ESRRG: variants seen among roughly 807,000 people sequenced by gnomAD.
ESRRG encodes the protein estrogen-related receptor gamma.
In ESRRG, 13 loss-of-function variants were observed where a neutral mutation model predicts 44.0. That is an observed-to-expected ratio of 0.30 (90% CI 0.19 to 0.47). The LOEUF is 0.47. ESRRG is among the 20% of genes least tolerant of loss of function. The pLI, the probability that ESRRG is intolerant of heterozygous loss-of-function variation, is 1.00. For synonymous variants in ESRRG, 215 were observed against 214.6 expected (o/e 1.00, Z -0.02); for missense variants, 395 against 580.6 (o/e 0.68, Z 3.29).
chr1:216,865,222 C>T (rs1280345684), intron 2 of ESRRG: 1 of 92,450 alleles, frequency 1.1e-5, no homozygotes, highest in African/African-American at 5.4e-5. Flanking sequence ...AAAAAAATTA[C>T]CACAAAGGAA....
At chr1:216,736,576 C>T (rs1171128196) in intron 2 of ESRRG, among the ~76,000 whole-genome samples, 2 of 152,108 alleles carry the variant, frequency 1.3e-5, no homozygotes, top group Non-Finnish European at 2.9e-5. Flanking sequence ...CTGAAGCTCC[C>T]CTCTTTCTCA....
chr1:216,733,989 A>T (rs865816122), intron 2 of ESRRG, among the ~76,000 whole-genome samples: 8,553 of 144,784 alleles, frequency 0.059, 306 homozygotes, highest in African/African-American at 0.087. Flanking sequence ...AGACTCTGTA[A>T]AAAAAAAAAA....
chr1:216,528,266 G>A (rs1381719356), intron 5 of ESRRG, among the ~76,000 whole-genome samples: 1 of 152,072 alleles, frequency 6.6e-6, no homozygotes, highest in Non-Finnish European at 1.5e-5. Flanking sequence ...AAAGTATATA[G>A]GATTTTTATT....
rs1361077954 is a variant in ESRRG, at chr1:216,899,621, G to A, written c.-14+39961C>T. 2.6e-5 allele frequency among the ~76,000 whole-genome samples: 4 copies of A among 152,196 alleles called. No homozygotes were observed. In the East Asian group the frequency reaches 7.7e-4, roughly 29 times the overall value. On this transcript the variant is annotated intron_variant, in intron 2 of 7. Transcript: ENST00000359162. ...CACTTAAAGGTAATCACCAGCCATG[G>A]TGGCAGTTATAGGGGCTCTGCATAA...
chr1:217,064,232 CAT>C (rs541467748), intron 1 of ESRRG, among the ~76,000 whole-genome samples: 214 of 151,680 alleles, frequency 1.4e-3, no homozygotes, highest in South Asian at 2.1e-4. Flanking sequence ...ACATTACACA[CAT>C]ATGTGTTATG....
intron 3 of ESRRG, among the ~76,000 whole-genome samples, chr1:216,614,473 T>C (rs1210358466): frequency 6.6e-6 from 1 of 152,128 alleles, no homozygotes; most frequent in Non-Finnish European, 1.5e-5. Flanking sequence ...ATCTGGTGAG[T>C]ACTCCAGCGA....
At chr1:216,737,047 G>C (rs937940625) in intron 2 of ESRRG, among the ~76,000 whole-genome samples, 2 of 152,074 alleles carry the variant, frequency 1.3e-5, no homozygotes, top group African/African-American at 4.8e-5. Flanking sequence ...ATCAAATCCT[G>C]CAACAAGAAA....
intron 3 of ESRRG, among the ~76,000 whole-genome samples, chr1:216,636,376 TG>T (rs1237644179): frequency 1.3e-5 from 2 of 152,148 alleles, no homozygotes; most frequent in Non-Finnish European, 2.9e-5. Flanking sequence ...TACCCAGCCC[TG>T]AAGAAAAATA....
intron 2 of ESRRG, among the ~76,000 whole-genome samples, chr1:216,849,836 A>G (rs1349843873): frequency 6.6e-6 from 1 of 152,168 alleles, no homozygotes; most frequent in Non-Finnish European, 1.5e-5. Flanking sequence ...CATCTATACT[A>G]CAGTTTTCCC....
chr1:216,647,593 T>C (rs2067913502), intron 3 of ESRRG, among the ~76,000 whole-genome samples: 1 of 152,192 alleles, frequency 6.6e-6, no homozygotes, highest in African/African-American at 2.4e-5. Context: ...ATTTTAATTA[T>C]GTACAATGTG....
At chr1:216,922,669 G>T (rs1266385313) in intron 2 of ESRRG, among the ~76,000 whole-genome samples, 1 of 152,162 alleles carries the variant, frequency 6.6e-6, no homozygotes, top group African/African-American at 2.4e-5. Context: ...GAGCAGAATG[G>T]CAATGAATTG....
intron 1 of ESRRG, among the ~76,000 whole-genome samples, chr1:217,072,244 G>A (rs919417274): frequency 1.3e-5 from 2 of 152,026 alleles, no homozygotes; most frequent in Non-Finnish European, 2.9e-5. Flanking sequence ...CACCACCATC[G>A]TATTATTATA....
At chr1:216,979,437 C>T (rs1247318519) in intron 1 of ESRRG, among the ~76,000 whole-genome samples, 1 of 152,114 alleles carries the variant, frequency 6.6e-6, no homozygotes, top group Admixed American at 6.6e-5. Context: ...GTCTTCTTCA[C>T]AAATATCCCT....
intron 3 of ESRRG, among the ~76,000 whole-genome samples, chr1:216,609,847 C>G (rs1301187837): frequency 6.6e-6 from 1 of 152,210 alleles, no homozygotes; most frequent in African/African-American, 2.4e-5. Flanking sequence ...CAAACAAAAT[C>G]TTGGCCTACA....
At chr1:217,011,109 A>G (rs1026488291) in intron 1 of ESRRG, among the ~76,000 whole-genome samples, 5 of 152,220 alleles carry the variant, frequency 3.3e-5, no homozygotes, top group Non-Finnish European at 7.3e-5. Flanking sequence ...TCTGCTTACT[A>G]TGCAAATGTG....
intron 1 of ESRRG, among the ~76,000 whole-genome samples, chr1:216,680,583 G>A (rs2076866632): frequency 6.6e-6 from 1 of 152,196 alleles, no homozygotes; most frequent in African/African-American, 2.4e-5. Context: ...CTGGTTGCAG[G>A]TCTGCCCTAC....
intron 2 of ESRRG, among the ~76,000 whole-genome samples, chr1:216,797,925 A>G (rs1184960157): frequency 6.6e-6 from 1 of 152,100 alleles, no homozygotes; most frequent in Non-Finnish European, 1.5e-5. Context: ...TATAGGGCAG[A>G]GTATCTATAG....
intron 1 of ESRRG, among the ~76,000 whole-genome samples, chr1:216,991,732 G>A (rs2075748481): frequency 6.6e-6 from 1 of 151,784 alleles, no homozygotes; most frequent in Admixed American, 6.6e-5. Flanking sequence ...AAGGGAGGTA[G>A]AGTGTGATAA....
At chr1:216,521,080 T>C (rs2045955006) in intron 5 of ESRRG, among the ~76,000 whole-genome samples, 1 of 152,180 alleles carries the variant, frequency 6.6e-6, no homozygotes, top group Non-Finnish European at 1.5e-5. Context: ...GTAAAATGCA[T>C]TTCTTTCGTT....
Sources: gnomAD v4.1 joint callset for allele counts (sites outside exome capture counted in the v4.1 genomes callset) on GRCh38, gnomAD v4.1.1 for gene constraint, MANE v1.5 for transcripts, NCBI Gene and HGNC (gene_info 2026-07-23, HGNC 2026-07-21) for gene names.